SKAP2: variants seen among roughly 807,000 people sequenced by gnomAD.
SKAP2 encodes src kinase associated phosphoprotein 2, also known as src kinase-associated phosphoprotein 2.
SKAP2 carries 28 observed loss-of-function variants against 54.9 expected under a neutral mutation model. That is an observed-to-expected ratio of 0.51 (90% CI 0.38 to 0.70). The LOEUF (loss-of-function observed/expected upper bound fraction) is 0.70. Among genes scored for constraint, SKAP2 ranks in the 30% least tolerant of loss-of-function variants. SKAP2 has a pLI of 0.00. For synonymous variants in SKAP2, 137 were observed against 134.3 expected, an observed-to-expected ratio of 1.02 and a Z score of -0.14; for missense variants, 356 against 424.1, an observed-to-expected ratio of 0.84 and a Z score of 1.41.
chr7:26,851,528 G>A (rs1331078891), intron 3 of SKAP2, among the ~76,000 whole-genome samples: 2 of 151,876 alleles, frequency 1.3e-5, no homozygotes, highest in African/African-American at 2.4e-5. Context: ...AGAACACTTG[G>A]ATACAGGAAG....
At chr7:26,721,759 T>C (rs1353989250) in intron 9 of SKAP2, among the ~76,000 whole-genome samples, 1 of 152,190 alleles carries the variant, frequency 6.6e-6, no homozygotes, top group Non-Finnish European at 1.5e-5. Flanking sequence ...TTTGTTGTTG[T>C]TGTTTCTGTA....
intron 3 of SKAP2, among the ~76,000 whole-genome samples, chr7:26,844,473 G>A (rs1784885084): frequency 6.7e-6 from 1 of 150,352 alleles, no homozygotes; most frequent in African/African-American, 2.4e-5. Flanking sequence ...ATATCCAAAC[G>A]AACAAAACCA....
intron 9 of SKAP2, among the ~76,000 whole-genome samples, chr7:26,700,057 C>G (rs1046255270): frequency 1.3e-5 from 2 of 151,990 alleles, no homozygotes; most frequent in East Asian, 3.8e-4. Context: ...TTGGATTTGA[C>G]CCATGATTTT....
chr7:26,828,434 T>C (rs558194033), intron 4 of SKAP2, among the ~76,000 whole-genome samples: 22 of 151,896 alleles, frequency 1.4e-4, no homozygotes, highest in African/African-American at 5.1e-4. Context: ...TCCCAGCACT[T>C]TGGGAGGCCG....
chr7:26,861,101 A>G (rs1002251560), intron 1 of SKAP2, among the ~76,000 whole-genome samples: 9 of 152,106 alleles, frequency 5.9e-5, no homozygotes, highest in Non-Finnish European at 1.2e-4. Context: ...GTCCTAAAAC[A>G]AATGAATGAG....
At chr7:26,719,222 G>A (rs956787892) in intron 9 of SKAP2, among the ~76,000 whole-genome samples, 5 of 151,892 alleles carry the variant, frequency 3.3e-5, no homozygotes, top group African/African-American at 1.2e-4. Flanking sequence ...TGAAAGGGAA[G>A]TGAACAAATA....
intron 4 of SKAP2, 57 bp from the exon 5 acceptor site, chr7:26,740,021 A>AC: frequency 9.3e-7 from 1 of 1,078,580 alleles, no homozygotes; most frequent in Non-Finnish European, 1.4e-6. Context: ...TTCAGAATAA[A>AC]CAAGTGCCAG....
chr7:26,745,146 G>A (rs1484770705), intron 4 of SKAP2, among the ~76,000 whole-genome samples: 1 of 152,094 alleles, frequency 6.6e-6, no homozygotes, highest in African/African-American at 2.4e-5. Context: ...TGAACACCAA[G>A]CTTTCACATA....
intron 4 of SKAP2, among the ~76,000 whole-genome samples, chr7:26,830,683 G>T (rs1784578179): frequency 6.6e-6 from 1 of 152,004 alleles, no homozygotes; most frequent in South Asian, 2.1e-4. Context: ...TTCTTCAATA[G>T]TATTTATGTT....
chr7:26,809,833 A>G, intron 4 of SKAP2, among the ~76,000 whole-genome samples: 1 of 152,230 alleles, frequency 6.6e-6, no homozygotes, highest in Middle Eastern at 3.2e-3. Flanking sequence ...TATTCACAAT[A>G]GCCAAGATAC....
the SKAP2 span, among the ~76,000 whole-genome samples, chr7:26,661,504 G>A: frequency 8.5e-5 from 13 of 152,242 alleles, no homozygotes; most frequent in African/African-American, 3.1e-4. Flanking sequence ...ACTATTATTA[G>A]CAGATTGGTG....
intron 4 of SKAP2, among the ~76,000 whole-genome samples, chr7:26,751,513 G>T (rs961716312): frequency 1.3e-5 from 2 of 152,032 alleles, no homozygotes; most frequent in African/African-American, 4.8e-5. Context: ...ATTTAAGAAG[G>T]AAACTATCTA....
chr7:26,819,962 T>C (rs559986360), intron 4 of SKAP2, among the ~76,000 whole-genome samples: 2 of 152,314 alleles, frequency 1.3e-5, no homozygotes, highest in East Asian at 3.9e-4. Context: ...TATAATATTC[T>C]ATGTCTGTAT....
At chr7:26,808,781 C>A (rs1293902023) in intron 4 of SKAP2, among the ~76,000 whole-genome samples, 2 of 152,168 alleles carry the variant, frequency 1.3e-5, no homozygotes, top group Non-Finnish European at 2.9e-5. Context: ...AACAACAATG[C>A]CTACGGCAAA....
chr7:26,825,564 CCAAACAG>C (rs1418005843), intron 4 of SKAP2, among the ~76,000 whole-genome samples: 8 of 129,868 alleles, frequency 6.2e-5, no homozygotes, highest in Non-Finnish European at 1.3e-4. Flanking sequence ...AATATAATGG[CCAAACAG>C]CAAACAGTTA....
At chr7:26,716,107 C>T (rs1009532144) in intron 9 of SKAP2, among the ~76,000 whole-genome samples, 3 of 152,144 alleles carry the variant, frequency 2.0e-5, no homozygotes, top group Non-Finnish European at 2.9e-5. Flanking sequence ...ACTGAATGAA[C>T]AAATATTCTC....
chr7:26,857,420 T>C (rs1785193448), intron 1 of SKAP2: 5 of 982,342 alleles, frequency 5.1e-6, no homozygotes, highest in Middle Eastern at 5.3e-4. Context: ...GCTTTTGAAA[T>C]CTAGGTTATT....
At chr7:26,763,686 G>A (rs1405015150) in intron 4 of SKAP2, among the ~76,000 whole-genome samples, 1 of 152,056 alleles carries the variant, frequency 6.6e-6, no homozygotes, top group South Asian at 2.1e-4. Context: ...TAACAACAGG[G>A]ATACATTCTA....
intron 6 of SKAP2, among the ~76,000 whole-genome samples, chr7:26,728,067 T>C (rs1485444151): frequency 1.3e-5 from 2 of 152,136 alleles, no homozygotes; most frequent in East Asian, 1.9e-4. Flanking sequence ...TTATATCTTG[T>C]TCAAAATATC....
Sources: allele counts gnomAD v4.1 joint callset (sites outside exome capture counted in the v4.1 genomes callset), GRCh38; gene constraint gnomAD v4.1.1; transcripts MANE v1.5; gene names NCBI Gene and HGNC (gene_info 2026-07-23, HGNC 2026-07-21).